Variants in ZNF846 observed in about 807,000 individuals in gnomAD.
The protein encoded by ZNF846 is zinc finger protein 420 pseudogene.
ZNF846 carries 15 observed loss-of-function variants against 16.0 expected under a neutral mutation model. The observed-to-expected ratio is 0.94, with a 90% CI of 0.63 to 1.45. The LOEUF (loss-of-function observed/expected upper bound fraction) is 1.45, where lower values mean the gene tolerates loss of function less well. Among genes scored for constraint, ZNF846 ranks in the 40% most tolerant of loss-of-function variants. The probability of loss-of-function intolerance (pLI) is 0.00; values close to 1 mark genes in which losing one functional copy is unlikely to be tolerated. For missense variants in ZNF846, 714 were observed against 622.3 expected (o/e 1.15, Z -1.57); for synonymous variants, 229 against 212.0 (o/e 1.08, Z -0.70).
exon 5 of ZNF846, chr19:9,759,869 T>C: frequency 6.2e-7 from 1 of 1,612,288 alleles, no homozygotes; most frequent in African/African-American, 1.3e-5. Flanking sequence ...CCAATTGTAC[T>C]CCATTTGGTG....
At chr19:9,756,345 G>GTGTGTACATATATA (rs1321690890), downstream of ZNF846, 1 of 81,776 alleles carries the variant, frequency 1.2e-5, no homozygotes, top group Non-Finnish European at 2.2e-5. Flanking sequence ...GTGTGTGTGT[G>GTGTGTACATATATA]TATATATATA....
At chr19:9,765,024 G>A in exon 2 of ZNF846, 4 of 1,543,086 alleles carry the variant, frequency 2.6e-6, no homozygotes, top group South Asian at 1.1e-5. Context: ...AAAGTGTCCT[G>A]GAAAAAATGA....
intron 2 of ZNF846, 147 bp downstream of exon 2, chr19:9,764,789 T>C: frequency 1.1e-6 from 1 of 931,218 alleles, no homozygotes; most frequent in Non-Finnish European, 1.7e-6. Flanking sequence ...CTGAGATGGC[T>C]TGGTTCCTAG....
intron 1 of ZNF846, among the ~76,000 whole-genome samples, chr19:9,777,374 G>A (rs1433213344): frequency 5.3e-5 from 8 of 151,762 alleles, no homozygotes; most frequent in African/African-American, 1.7e-4. Context: ...ATTGGGTGTG[G>A]AAAAACTTGA....
intron 3 of ZNF846, 50 bp downstream of exon 3, chr19:9,763,232 G>A: frequency 4.0e-6 from 6 of 1,490,340 alleles, no homozygotes; most frequent in Non-Finnish European, 5.4e-6. Flanking sequence ...AAACATTTAA[G>A]AAACATTGAT....
chr19:9,765,098 C>T, intron 1 of ZNF846, 63 bp from the exon 2 acceptor site: 2 of 847,264 alleles, frequency 2.4e-6, no homozygotes, highest in Non-Finnish European at 3.9e-6. Context: ...TCAGGCTAGG[C>T]ATGGTGGCTC....
At chr19:9,774,528 T>C in intron 1 of ZNF846, 1 of 1,336,516 alleles carries the variant, frequency 7.5e-7, no homozygotes, top group South Asian at 1.2e-5. Flanking sequence ...ATTAAGAGCT[T>C]GAGGAAATCT....
At chr19:9,758,485 A>G (rs1262213683) in exon 6 of ZNF846, 1 of 1,613,566 alleles carries the variant, frequency 6.2e-7, no homozygotes, top group Admixed American at 1.7e-5. Flanking sequence ...TTGCATTCAC[A>G]CAATTTCTCT....
chr19:9,759,978 A>C, intron 4 of ZNF846, 36 bp from the exon 5 acceptor site: 1 of 1,557,680 alleles, frequency 6.4e-7, no homozygotes, highest in East Asian at 2.2e-5. Flanking sequence ...TGGGAGAAAA[A>C]TTGTGGAATA....
chr19:9,765,989 G>C (rs1181448777), intron 1 of ZNF846, among the ~76,000 whole-genome samples: 1 of 152,104 alleles, frequency 6.6e-6, no homozygotes, highest in African/African-American at 2.4e-5. Flanking sequence ...AAATACTCTA[G>C]TTGACTTTGC....
chr19:9,771,668 C>T (rs2145287199), upstream of ZNF846, among the ~76,000 whole-genome samples: 1 of 152,050 alleles, frequency 6.6e-6, no homozygotes, highest in East Asian at 1.9e-4. Context: ...GTATATATAC[C>T]ACATTTTTGT....
At chr19:9,770,617 C>T (rs560268500), upstream of ZNF846, among the ~76,000 whole-genome samples, 54 of 152,062 alleles carry the variant, frequency 3.6e-4, no homozygotes, top group African/African-American at 1.3e-3. Context: ...CCTGTAATCC[C>T]AGCATTTTGG....
downstream of ZNF846, among the ~76,000 whole-genome samples, chr19:9,754,789 G>GT (rs910960876): frequency 6.7e-6 from 1 of 149,972 alleles, no homozygotes; most frequent in Non-Finnish European, 1.5e-5. Flanking sequence ...TTGTTGATTT[G>GT]TTTTTTTAGT....
At chr19:9,777,047 C>T (rs777462432) in intron 1 of ZNF846, among the ~76,000 whole-genome samples, 1 of 151,266 alleles carries the variant, frequency 6.6e-6, no homozygotes, top group Admixed American at 6.6e-5. Context: ...CAGGCAGGCC[C>T]TAAAGGACTA....
Position 9,766,098 on chromosome 19 carries a change from G to C in ZNF846, c.-85-1063C>G, listed in dbSNP as rs1446812269. On this transcript the variant is annotated intron_variant, in intron 1 of 5. Coordinates refer to ENST00000397902, the Ensembl canonical transcript of ZNF846. ...CCCAAGTTGTTGTGTTCATCCACCT[G>C]TGATTTGGTTCATATCTTTGCTGAA... Among the ~76,000 whole-genome samples the C allele has an allele frequency of 2.6e-5, 4 of 152,248 alleles. No individual in the cohort carries two copies. The East Asian group carries it at 7.7e-4, about 29-fold the overall frequency.
At chr19:9,766,865 A>C (rs1209874822) in intron 1 of ZNF846, among the ~76,000 whole-genome samples, 1 of 145,122 alleles carries the variant, frequency 6.9e-6, no homozygotes, top group Non-Finnish European at 1.5e-5. Context: ...ATGCCACTGC[A>C]CTCCAGCCTG....
At chr19:9,762,382 T>C (rs1015556366) in intron 3 of ZNF846, 1 of 443,388 alleles carries the variant, frequency 2.3e-6, no homozygotes. Flanking sequence ...TCATGCCTCA[T>C]ACCTCAGCAC....
chr19:9,754,865 AT>A (rs143571914), downstream of ZNF846, among the ~76,000 whole-genome samples: 8 of 144,318 alleles, frequency 5.5e-5, no homozygotes, highest in East Asian at 6.0e-4. Context: ...TACCATGGGG[AT>A]TTTTTTTTCT....
chr19:9,780,970 G>C (rs558423236), intron 1 of ZNF846, among the ~76,000 whole-genome samples: 9 of 152,278 alleles, frequency 5.9e-5, no homozygotes, highest in South Asian at 2.1e-4. Flanking sequence ...TCAGCCCTTA[G>C]TACATTTCTC....
Sources: gnomAD v4.1 joint callset for allele counts (sites outside exome capture counted in the v4.1 genomes callset) on GRCh38, gnomAD v4.1.1 for gene constraint, MANE v1.5 for transcripts, NCBI Gene and HGNC (gene_info 2026-07-23, HGNC 2026-07-21) for gene names.